The following PTPRE variants were observed in gnomAD, a reference collection of about 807,000 sequenced individuals.
The protein encoded by PTPRE is receptor-type tyrosine-protein phosphatase epsilon.
A neutral mutation model predicts 102.0 loss-of-function variants in PTPRE; 51 were observed. That is an observed-to-expected ratio of 0.50 (90% confidence interval 0.40 to 0.63). PTPRE has a LOEUF of 0.63. Ranked by LOEUF, PTPRE falls within the 30% of genes least tolerant of loss-of-function variation. PTPRE has a pLI of 0.00. For synonymous variants in PTPRE, 345 were observed against 348.2 expected (o/e 0.99, Z 0.10); for missense variants, 752 against 915.1 (o/e 0.82, Z 2.30).
intron 1 of PTPRE, among the ~76,000 whole-genome samples, chr10:127,958,765 T>C (rs1849578991): frequency 6.6e-6 from 1 of 152,198 alleles, no homozygotes; most frequent in Admixed American, 6.5e-5. Context: ...GAAAATTGAT[T>C]TAATTTATTT....
intron 1 of PTPRE, among the ~76,000 whole-genome samples, chr10:127,915,996 A>AG (rs1564793701): frequency 7.7e-6 from 1 of 130,042 alleles, no homozygotes; most frequent in Non-Finnish European, 1.6e-5. Flanking sequence ...AGTTACAGGG[A>AG]AAAAAAAAAA....
chr10:128,002,130 C>T (rs1305458283), intron 2 of PTPRE, among the ~76,000 whole-genome samples: 3 of 152,196 alleles, frequency 2.0e-5, no homozygotes, highest in East Asian at 1.9e-4. Context: ...GGGGCAGCCA[C>T]GGTCTCAGCC....
intron 2 of PTPRE, among the ~76,000 whole-genome samples, chr10:127,987,945 C>T (rs1225726536): frequency 1.3e-5 from 2 of 152,236 alleles, no homozygotes; most frequent in Non-Finnish European, 2.9e-5. Context: ...GAGGCCAGGG[C>T]CGGCACTCTG....
chr10:128,075,739 T>C (rs920595544), intron 17 of PTPRE, among the ~76,000 whole-genome samples: 23 of 152,228 alleles, frequency 1.5e-4, no homozygotes, highest in Non-Finnish European at 2.8e-4. Context: ...TATTGTTCAT[T>C]GTATAATTAT....
intron 3 of PTPRE, among the ~76,000 whole-genome samples, chr10:128,046,286 C>T (rs909305907): frequency 3.9e-5 from 6 of 152,232 alleles, no homozygotes; most frequent in East Asian, 3.9e-4. Flanking sequence ...TCTGGGGCTG[C>T]GGAGCCCTCC....
intron 10 of PTPRE, among the ~76,000 whole-genome samples, chr10:128,064,744 G>C (rs1030194873): frequency 6.6e-6 from 1 of 152,198 alleles, no homozygotes; most frequent in Non-Finnish European, 1.5e-5. Context: ...GGCTGCTGCC[G>C]CGTCCTCATT....
In PTPRE at chr10:127,997,027, G is replaced by GA. The variant is rs942481615; in HGVS notation, c.-8+14740dup. Among the ~76,000 whole-genome samples the GA allele has an allele frequency of 1.4e-3, 206 of 150,942 alleles. 2 individuals carry two copies. The highest frequency in any genetic ancestry group is 2.4e-4 in the African/African-American group (10 of 41,150). On this transcript the variant is annotated intron_variant, in intron 2 of 20. Transcript: ENST00000254667. Reference sequence around the variant, plus strand: ...AAACATGCAAAGCAAAAAACAAATAGAAAAAAAAAGAACACAGTGCAACAG... The same window carrying GA: ...AAACATGCAAAGCAAAAAACAAATAGAAAAAAAAAAGAACACAGTGCAACAG...
At chr10:127,966,984 G>T (rs1850303320) in intron 1 of PTPRE, among the ~76,000 whole-genome samples, 1 of 152,112 alleles carries the variant, frequency 6.6e-6, no homozygotes, top group South Asian at 2.1e-4. Context: ...AGATACAAAG[G>T]CTTGCTCTGT....
intron 1 of PTPRE, among the ~76,000 whole-genome samples, chr10:127,918,998 T>C (rs1846407237): frequency 6.6e-6 from 1 of 152,138 alleles, no homozygotes; most frequent in South Asian, 2.1e-4. Context: ...TATGGACAAG[T>C]CTATTATAGG....
At chr10:128,062,725 G>A (rs924836033) in intron 9 of PTPRE, among the ~76,000 whole-genome samples, 2 of 152,204 alleles carry the variant, frequency 1.3e-5, no homozygotes, top group Admixed American at 6.5e-5. Flanking sequence ...GGAGGGGATT[G>A]GGAATGCAGG....
intron 7 of PTPRE, among the ~76,000 whole-genome samples, chr10:128,059,945 C>A (rs982304360): frequency 6.7e-6 from 1 of 150,198 alleles, no homozygotes; most frequent in Non-Finnish European, 1.5e-5. Context: ...CATGCACACA[C>A]ACACACACAA....
At chr10:127,948,545 A>AT (rs143208830) in intron 1 of PTPRE, among the ~76,000 whole-genome samples, 3,034 of 152,160 alleles carry the variant, frequency 0.02, 91 homozygotes, top group African/African-American at 0.069. Flanking sequence ...GCAACCACTG[A>AT]TTTTTTTACT....
At chr10:127,969,471 T>C (rs1367049285) in intron 1 of PTPRE, among the ~76,000 whole-genome samples, 2 of 152,042 alleles carry the variant, frequency 1.3e-5, no homozygotes, top group African/African-American at 4.8e-5. Context: ...AGTCCCAGAC[T>C]ACCCTGGCCA....
intron 1 of PTPRE, among the ~76,000 whole-genome samples, chr10:127,971,682 G>A (rs892929315): frequency 2.6e-5 from 4 of 152,230 alleles, no homozygotes; most frequent in South Asian, 2.1e-4. Flanking sequence ...TCCAGCGTGC[G>A]CGATTTGCAG....
At chr10:128,071,987 A>T (rs753946986) in intron 15 of PTPRE, 151 bp from the exon 16 acceptor site, 1 of 583,248 alleles carries the variant, frequency 1.7e-6, no homozygotes, top group Non-Finnish European at 3.0e-6. Flanking sequence ...CACTTTAATT[A>T]TCGTCTCTCA....
chr10:128,042,379 A>C (rs11016034), intron 3 of PTPRE, among the ~76,000 whole-genome samples: 1 of 152,146 alleles, frequency 6.6e-6, no homozygotes, highest in African/African-American at 2.4e-5. Flanking sequence ...GTTTATTTGA[A>C]AACAAAATTA....
At chr10:128,079,823 G>A in intron 20 of PTPRE, 128 bp downstream of exon 20, 1 of 1,252,828 alleles carries the variant, frequency 8.0e-7, no homozygotes. Flanking sequence ...AAGGAAAAGA[G>A]CCAGCTGCAA....
intron 2 of PTPRE, among the ~76,000 whole-genome samples, chr10:128,027,714 G>C (rs998327579): frequency 1.3e-5 from 2 of 152,194 alleles, no homozygotes; most frequent in Non-Finnish European, 2.9e-5. Flanking sequence ...TGCATGAATG[G>C]ATGGGCCTTG....
chr10:127,953,025 T>C (rs1048104926), intron 1 of PTPRE, among the ~76,000 whole-genome samples: 1 of 152,224 alleles, frequency 6.6e-6, no homozygotes, highest in African/African-American at 2.4e-5. Flanking sequence ...TTGTTGTATC[T>C]GGCCCCTCCT....
Sources: gnomAD v4.1 joint callset for allele counts (sites outside exome capture counted in the v4.1 genomes callset) on GRCh38, gnomAD v4.1.1 for gene constraint, MANE v1.5 for transcripts, NCBI Gene and HGNC (gene_info 2026-07-23, HGNC 2026-07-21) for gene names.